Variants in BTBD8 observed in about 807,000 individuals in gnomAD.
BTBD8 encodes the protein BTB domain containing 8, also known as BTB/POZ domain-containing protein 8.
Under a neutral mutation model 162.9 loss-of-function variants are expected in BTBD8, and 110 were observed. That is an observed-to-expected ratio of 0.68 (90% confidence interval 0.58 to 0.79). The LOEUF is 0.79. BTBD8 is among the 30% of genes least tolerant of loss of function. The pLI is 0.00. For synonymous variants in BTBD8, 667 were observed against 716.1 expected (o/e 0.93, Z 1.10); for missense variants, 1,905 against 2,085.4 (o/e 0.91, Z 1.68).
At chr1:92,175,085 C>T (rs373558307) in intron 13 of BTBD8, among the ~76,000 whole-genome samples, 2 of 151,440 alleles carry the variant, frequency 1.3e-5, no homozygotes, top group East Asian at 1.9e-4. Context: ...GACATGGTGC[C>T]GAGGGATACA....
At chr1:92,164,182 T>G (rs1177372856) in intron 9 of BTBD8, among the ~76,000 whole-genome samples, 1 of 152,130 alleles carries the variant, frequency 6.6e-6, no homozygotes, top group Non-Finnish European at 1.5e-5. Flanking sequence ...TGGGAGAATA[T>G]AATACATTTT....
At chr1:92,164,583 C>G (rs949109705) in intron 9 of BTBD8, among the ~76,000 whole-genome samples, 4 of 151,750 alleles carry the variant, frequency 2.6e-5, no homozygotes, top group Non-Finnish European at 4.4e-5. Flanking sequence ...TGCACCACTG[C>G]ACCCCAGCCT....
intron 5 of BTBD8, among the ~76,000 whole-genome samples, chr1:92,130,654 G>A (rs562192882): frequency 1.3e-5 from 2 of 151,418 alleles, no homozygotes; most frequent in South Asian, 4.2e-4. Context: ...GATCTTAATT[G>A]TTTAAACTGT....
intron 7 of BTBD8, among the ~76,000 whole-genome samples, chr1:92,141,904 TTC>T (rs1381241521): frequency 1.5e-4 from 23 of 152,360 alleles, no homozygotes; most frequent in African/African-American, 5.3e-4. Context: ...TACATCATAT[TTC>T]TCTCTTACTG....
At chr1:92,118,892 G>A (rs531332570) in intron 4 of BTBD8, among the ~76,000 whole-genome samples, 1 of 84,116 alleles carries the variant, frequency 1.2e-5, no homozygotes, top group Admixed American at 1.4e-4. Flanking sequence ...CTCCCTCAGT[G>A]TGTGTGTGTC....
At chr1:92,089,597 C>T (rs1391928720) in intron 2 of BTBD8, among the ~76,000 whole-genome samples, 1 of 152,156 alleles carries the variant, frequency 6.6e-6, no homozygotes, top group Non-Finnish European at 1.5e-5. Flanking sequence ...GATTCAGTGC[C>T]TGGTGAGGGT....
In BTBD8 at chr1:92,127,109, C is replaced by T. The variant is rs146464341; in HGVS notation, c.663-2578C>T. Among the ~76,000 whole-genome samples, 269 of 152,222 alleles carry T rather than the reference C, an allele frequency of 1.8e-3. 3 individuals are homozygous for T. The highest frequency in any genetic ancestry group is 5.9e-3 in the African/African-American group (245 of 41,530). ...GGTTTTGTTTATATCTTGTTATTAA[C>T]GTTTTCCCTCCAGTTCTGAAATATT... On this transcript the variant is annotated intron_variant, in intron 4 of 17. Transcript: ENST00000636805.
At chr1:92,118,321 G>T (rs1649100161) in intron 4 of BTBD8, among the ~76,000 whole-genome samples, 2 of 145,902 alleles carry the variant, frequency 1.4e-5, no homozygotes, top group Non-Finnish European at 1.5e-5. Flanking sequence ...TCCAGTTTGA[G>T]GAGTACTGGT....
chr1:92,139,483 G>C, intron 6 of BTBD8, 53 bp downstream of exon 6: 1 of 1,570,786 alleles, frequency 6.4e-7, no homozygotes. Flanking sequence ...GTTCTGCTTT[G>C]TTGAGCTGTG....
chr1:92,168,738 C>T (rs897213413), intron 11 of BTBD8, 128 bp from the exon 12 acceptor site: 12 of 882,972 alleles, frequency 1.4e-5, no homozygotes, highest in South Asian at 8.7e-5. Flanking sequence ...ATGTACCCAA[C>T]GATCTTAAAA....
At chr1:92,125,742 C>A in intron 4 of BTBD8, 1 of 444,058 alleles carries the variant, frequency 2.3e-6, no homozygotes, top group South Asian at 1.9e-5. Context: ...GATTTCACAT[C>A]TTGATGATAA....
intron 3 of BTBD8, among the ~76,000 whole-genome samples, chr1:92,105,273 G>T (rs1193937707): frequency 6.7e-6 from 1 of 149,968 alleles, no homozygotes; most frequent in Non-Finnish European, 1.5e-5. Context: ...TTTTTAATGA[G>T]ATGGGGTCTC....
chr1:92,161,549 C>T (rs573209025), intron 9 of BTBD8, among the ~76,000 whole-genome samples: 12 of 152,008 alleles, frequency 7.9e-5, no homozygotes, highest in African/African-American at 2.4e-4. Flanking sequence ...AAAATCAAAG[C>T]GAAACATAGG....
intron 7 of BTBD8, among the ~76,000 whole-genome samples, chr1:92,141,995 G>A (rs925182465): frequency 3.6e-4 from 55 of 152,124 alleles, no homozygotes; most frequent in African/African-American, 1.3e-3. Context: ...TTTTTGTTTT[G>A]GGTAGGTCTT....
At chr1:92,139,461 TAA>T (rs1557453565) in intron 6 of BTBD8, 31 bp downstream of exon 6, 1 of 1,587,936 alleles carries the variant, frequency 6.3e-7, no homozygotes. Context: ...ATTTAAAATA[TAA>T]AAGAGTTAGG....
Position 92,091,643 on chromosome 1 carries a change from G to A in BTBD8, c.347+2748G>A, listed in dbSNP as rs77163714. Among the ~76,000 whole-genome samples the A allele has an allele frequency of 7.2e-4, 110 of 152,072 alleles. 1 individual carries two copies. In the East Asian group the frequency reaches 0.02, roughly 28 times the overall value. ...TCCGCCTCCCGGTCGCCATTCTCCTGCCTCAGCCTCCTAGGCTGGTCTCTT... is the reference window on the plus strand; with the variant it reads ...TCCGCCTCCCGGTCGCCATTCTCCTACCTCAGCCTCCTAGGCTGGTCTCTT... On this transcript the variant is annotated intron_variant, in intron 2 of 17. Coordinates refer to ENST00000636805, the MANE Select transcript of BTBD8 (RefSeq NM_001376131.1).
intron 12 of BTBD8, among the ~76,000 whole-genome samples, chr1:92,170,221 C>T (rs1270012394): frequency 6.6e-6 from 1 of 152,138 alleles, no homozygotes; most frequent in African/African-American, 2.4e-5. Flanking sequence ...AACTATCCAG[C>T]TAATCCAACA....
chr1:92,087,377 GAGAGTCCAACACATTT>G (rs1648189692), intron 1 of BTBD8, among the ~76,000 whole-genome samples: 1 of 152,116 alleles, frequency 6.6e-6, no homozygotes. Context: ...ATTAAAGTTT[GAGAGTCCAACACATTT>G]TTGTGTAACT....
At chr1:92,108,854 C>T (rs1648812019) in intron 4 of BTBD8, among the ~76,000 whole-genome samples, 1 of 152,164 alleles carries the variant, frequency 6.6e-6, no homozygotes, top group Non-Finnish European at 1.5e-5. Context: ...ACAGAAAGAG[C>T]CAGAGTATTT....
Sources: allele counts gnomAD v4.1 joint callset (sites outside exome capture counted in the v4.1 genomes callset), GRCh38; gene constraint gnomAD v4.1.1; transcripts MANE v1.5; gene names NCBI Gene and HGNC (gene_info 2026-07-23, HGNC 2026-07-21).